Variants in KCNMA1 observed in about 807,000 individuals in gnomAD.
KCNMA1 encodes potassium calcium-activated channel subfamily M alpha 1, also known as Calcium-activated potassium channel subunit alpha-1.
A neutral mutation model predicts 140.0 loss-of-function variants in KCNMA1; 29 were observed. The ratio of observed to expected loss-of-function variants is 0.21; its 90% confidence interval spans 0.15 to 0.28. KCNMA1 has a LOEUF of 0.28. Among genes scored for constraint, KCNMA1 ranks in the 10% least tolerant of loss-of-function variants. The probability of loss-of-function intolerance (pLI) is 1.00; values close to 1 mark genes in which losing one functional copy is unlikely to be tolerated. For synonymous variants in KCNMA1, 612 were observed against 611.9 expected, an observed-to-expected ratio of 1.00 and a Z score of 0.00; for missense variants, 880 against 1,602.2, an observed-to-expected ratio of 0.55 and a Z score of 7.70.
intron 1 of KCNMA1, among the ~76,000 whole-genome samples, chr10:77,531,540 G>A (rs1051053758): frequency 2.0e-5 from 3 of 152,120 alleles, no homozygotes; most frequent in African/African-American, 4.8e-5. Context: ...CCCTGCCAGC[G>A]CTCCTGCAAA....
At chr10:77,111,699 G>A (rs2097329042) in intron 7 of KCNMA1, among the ~76,000 whole-genome samples, 1 of 152,112 alleles carries the variant, frequency 6.6e-6, no homozygotes, top group East Asian at 1.9e-4. Flanking sequence ...GCAAATAGAG[G>A]CTCAGCCACT....
At chr10:77,249,929 C>A (rs2059374089) in intron 3 of KCNMA1, 1 of 152,114 alleles carries the variant, frequency 6.6e-6, no homozygotes, top group Admixed American at 6.5e-5. Context: ...GTGAGGGCAG[C>A]CCAGCCTCGC....
chr10:76,985,956 T>C (rs1418136732), intron 19 of KCNMA1, among the ~76,000 whole-genome samples: 1 of 152,240 alleles, frequency 6.6e-6, no homozygotes, highest in Non-Finnish European at 1.5e-5. Flanking sequence ...AGAATAGATG[T>C]ATGCAATAGG....
At chr10:76,908,616 A>G (rs575394796) in intron 25 of KCNMA1, among the ~76,000 whole-genome samples, 23 of 152,366 alleles carry the variant, frequency 1.5e-4, no homozygotes, top group African/African-American at 5.3e-4. Flanking sequence ...AGACCAGTAC[A>G]TAATTAGCAT....
intron 1 of KCNMA1, among the ~76,000 whole-genome samples, chr10:77,435,713 C>T (rs943193668): frequency 9.9e-5 from 15 of 152,172 alleles, no homozygotes; most frequent in African/African-American, 1.7e-4. Context: ...AGAAATCAAG[C>T]GCATGGAAGA....
At chr10:77,121,163 A>T (rs1364922019) in intron 5 of KCNMA1, 115 bp from the exon 6 acceptor site, 3 of 722,986 alleles carry the variant, frequency 4.1e-6, no homozygotes, top group Non-Finnish European at 7.4e-6. Flanking sequence ...GTTCTTGCAG[A>T]AGATAAACCA....
chr10:77,498,874 A>G (rs1307804872), intron 1 of KCNMA1: 5 of 152,202 alleles, frequency 3.3e-5, no homozygotes, highest in Non-Finnish European at 5.9e-5. Flanking sequence ...ATCATGGCCA[A>G]GAGCACAGGC....
chr10:77,503,121 G>A (rs181265910), intron 1 of KCNMA1, among the ~76,000 whole-genome samples: 113 of 152,232 alleles, frequency 7.4e-4, no homozygotes, highest in African/African-American at 2.5e-3. Flanking sequence ...AGACCACTTG[G>A]CAACTCTATC....
At chr10:77,464,862 C>T (rs7906642) in intron 1 of KCNMA1, among the ~76,000 whole-genome samples, 7,629 of 152,240 alleles carry the variant, frequency 0.05, 463 homozygotes, top group African/African-American at 0.14. Context: ...CACAAGGGTT[C>T]AGATAGAAAG....
At chr10:76,975,568 C>T (rs1215574191) in intron 19 of KCNMA1, among the ~76,000 whole-genome samples, 1 of 152,158 alleles carries the variant, frequency 6.6e-6, no homozygotes, top group Non-Finnish European at 1.5e-5. Context: ...TGCCATGTGT[C>T]CATCGACGAG....
intron 2 of KCNMA1, among the ~76,000 whole-genome samples, chr10:77,327,892 G>T (rs2084811155): frequency 6.6e-6 from 1 of 152,136 alleles, no homozygotes; most frequent in Non-Finnish European, 1.5e-5. Context: ...TATAAAGTGG[G>T]GATTTTTATG....
chr10:77,590,467 C>A (rs2154564662), intron 1 of KCNMA1, among the ~76,000 whole-genome samples: 1 of 152,354 alleles, frequency 6.6e-6, no homozygotes, highest in East Asian at 1.9e-4. Flanking sequence ...TTGAGCACAG[C>A]AGCTGCTGGC....
chr10:77,000,857 A>AATATATATATATATATATATATATATAT (rs56359933), intron 19 of KCNMA1, among the ~76,000 whole-genome samples: 1 of 36,662 alleles, frequency 2.7e-5, no homozygotes, highest in Non-Finnish European at 5.6e-5. Context: ...GTAAAAAGAA[A>AATATATATATATATATATATATATATAT]ATATATATAT....
At chr10:77,506,881 G>A (rs753672118) in intron 1 of KCNMA1, among the ~76,000 whole-genome samples, 9 of 151,356 alleles carry the variant, frequency 5.9e-5, no homozygotes, top group Non-Finnish European at 1.2e-4. Context: ...GTTAGAGAGG[G>A]AGAGAGAGAG....
At chr10:76,892,202 C>T (rs777783288) in intron 25 of KCNMA1, among the ~76,000 whole-genome samples, 5 of 152,172 alleles carry the variant, frequency 3.3e-5, no homozygotes, top group East Asian at 1.9e-4. Context: ...ACACGCTTAA[C>T]GATTTACCAC....
chr10:77,429,618 C>T (rs571873730), intron 1 of KCNMA1, among the ~76,000 whole-genome samples: 14 of 152,192 alleles, frequency 9.2e-5, no homozygotes, highest in African/African-American at 3.4e-4. Context: ...TTGGAAATTC[C>T]CCATAGTAGT....
At chr10:76,878,417 C>G (rs1796765272) in intron 29 of KCNMA1, among the ~76,000 whole-genome samples, 1 of 152,176 alleles carries the variant, frequency 6.6e-6, no homozygotes. Flanking sequence ...AAAGCCATGT[C>G]TCAACTATAC....
At chr10:77,518,240 A>T (rs2051312162) in intron 1 of KCNMA1, among the ~76,000 whole-genome samples, 1 of 152,200 alleles carries the variant, frequency 6.6e-6, no homozygotes, top group Non-Finnish European at 1.5e-5. Flanking sequence ...AGTTCTCATT[A>T]TCTGAAGTTA....
At chr10:77,586,222 G>C (rs1156481183) in intron 1 of KCNMA1, 1 of 152,178 alleles carries the variant, frequency 6.6e-6, no homozygotes, top group Admixed American at 6.5e-5. Context: ...GTCTTCAGTT[G>C]TAACACAGGA....
Sources: allele counts gnomAD v4.1 joint callset (sites outside exome capture counted in the v4.1 genomes callset), GRCh38; gene constraint gnomAD v4.1.1; transcripts MANE v1.5; gene names NCBI Gene and HGNC (gene_info 2026-07-23, HGNC 2026-07-21).